The following FAM180A variants were observed in gnomAD, a reference collection of about 807,000 sequenced individuals.
The protein encoded by FAM180A is protein FAM180A.
In FAM180A, 14 loss-of-function variants were observed where a neutral mutation model predicts 15.3. The observed-to-expected ratio is 0.92, with a 90% confidence interval of 0.61 to 1.43. The LOEUF is 1.43. FAM180A is among the 40% of genes most tolerant of loss of function. FAM180A has a pLI of 0.00. For missense variants in FAM180A, 200 were observed against 220.8 expected (o/e 0.91, Z 0.60); for synonymous variants, 90 against 96.8 (o/e 0.93, Z 0.41).
intron 1 of FAM180A, among the ~76,000 whole-genome samples, chr7:135,745,763 G>A (rs1457633459): frequency 2.0e-5 from 3 of 151,886 alleles, no homozygotes; most frequent in Admixed American, 1.3e-4. Context: ...GGATGGACAC[G>A]GGGTAGTGGT....
At chr7:135,743,173 A>G (rs1412424768) in intron 1 of FAM180A, among the ~76,000 whole-genome samples, 1 of 150,604 alleles carries the variant, frequency 6.6e-6, no homozygotes, top group Non-Finnish European at 1.5e-5. Context: ...GACTACTTTT[A>G]GGATCACTCT....
intron 1 of FAM180A, among the ~76,000 whole-genome samples, chr7:135,744,295 A>C (rs1796998240): frequency 6.6e-6 from 1 of 152,208 alleles, no homozygotes; most frequent in African/African-American, 2.4e-5. Context: ...AACTGTGCAT[A>C]GCATTTGTGG....
chr7:135,729,855 G>A lies in FAM180A; in HGVS notation c.*756C>T. ...TGCCAAGAGCTGGGGCAGGCAGGGGGAAGGGGAAAAGAGGAGTTGTTCGGT... is the reference window on the plus strand; with the variant it reads ...TGCCAAGAGCTGGGGCAGGCAGGGGAAAGGGGAAAAGAGGAGTTGTTCGGT... On this transcript the variant is annotated 3_prime_UTR_variant, in exon 4 of 4. Transcript: ENST00000338588. 1 of 785,746 alleles carries A rather than the reference G, an allele frequency of 1.3e-6. No homozygotes were observed. The highest frequency in any genetic ancestry group is 1.5e-6 in the Non-Finnish European group (1 of 647,982). The allele number at this position is 785,746 out of a possible 1,614,324, so 48.7% of individuals were successfully genotyped here.
rs567366704 is a variant in FAM180A at position 135,744,544 on chromosome 7, C to T, written c.76+3961G>A. The stretch of plus-strand genomic sequence containing the variant: ...AGCGAGCCAGGGTCTCGGCCCTGTG[C>T]GTGGGGGTCCTCTGGGAGAGCTCCT... On this transcript the variant is annotated intron_variant, in intron 1 of 3. Coordinates refer to ENST00000338588, the MANE Select transcript of FAM180A (RefSeq NM_205855.4). 7.7e-3 allele frequency among the ~76,000 whole-genome samples: 1,180 copies of T among 152,290 alleles called. 7 individuals carry two copies. The highest frequency in any genetic ancestry group is 0.011 in the Non-Finnish European group (767 of 68,032).
chr7:135,744,621 G>C lies in FAM180A; in HGVS notation c.76+3884C>G, dbSNP rs185740941. 2.6e-3 allele frequency among the ~76,000 whole-genome samples: 401 copies of C among 152,318 alleles called. 2 individuals are homozygous for C. The highest frequency in any genetic ancestry group is 7.4e-3 in the African/African-American group (309 of 41,564). ...TTGGCTGGAAAGCTCCACCATGTAG[G>C]GGGGAGCTTGGGGCTGCCGGGAGCA... On this transcript the variant is annotated intron_variant, in intron 1 of 3. Coordinates refer to ENST00000338588, the MANE Select transcript of FAM180A (RefSeq NM_205855.4).
chr7:135,733,546 T>C lies in FAM180A; in HGVS notation c.*329+100A>G, dbSNP rs1796823179. 6 of 579,126 alleles carry C rather than the reference T, an allele frequency of 1.0e-5. No homozygotes were observed. The Middle Eastern group carries it at 2.6e-3, about 250-fold the overall frequency. The allele number at this position is 579,126 out of a possible 1,614,324, so 35.9% of individuals were successfully genotyped here. ...GATTTTAGTAGAGATGGGTTTTCAC[T>C]GTGTTGCCCAGGCTGGTCTTGAACT... On this transcript the variant is annotated intron_variant, in intron 3 of 3. Coordinates refer to ENST00000338588, the MANE Select transcript of FAM180A (RefSeq NM_205855.4).
chr7:135,733,720 C>A lies in FAM180A; in HGVS notation c.*255G>T. 7.7e-7 allele frequency: 1 copy of A among 1,293,966 alleles called. No homozygotes were observed. The highest frequency in any genetic ancestry group is 2.5e-5 in the South Asian group (1 of 40,122). 80.2% of individuals were successfully genotyped at this position (1,293,966 alleles called of 1,614,324 possible). A position where few individuals can be genotyped will look rare whatever the true frequency, so the allele number is the denominator to read the frequency against. ...AGAATTCTGCCTGCCATAGGCAAAC[C>A]ATTCTGCCCATGGAGGCGTCTTGAA... On this transcript the variant is annotated 3_prime_UTR_variant, in exon 3 of 4. Coordinates refer to ENST00000338588, the MANE Select transcript of FAM180A (RefSeq NM_205855.4).
chr7:135,748,162 C>T (rs757262491), intron 1 of FAM180A, among the ~76,000 whole-genome samples: 1 of 152,248 alleles, frequency 6.6e-6, no homozygotes, highest in Non-Finnish European at 1.5e-5. Context: ...TCAGCACCTG[C>T]TCTCCAGACG....
rs542341946 is a variant in FAM180A, at chr7:135,735,768, T to A, written c.177+1331A>T. Among the ~76,000 whole-genome samples the A allele has an allele frequency of 2.6e-5, 4 of 152,200 alleles. No homozygotes were observed. In the South Asian group the frequency reaches 8.3e-4, roughly 32 times the overall value. ...CCCAGGCTGGAGTACGGTGGTGCGA[T>A]CTGAGATCACTGCAACCTCCACCTC... On this transcript the variant is annotated intron_variant, in intron 2 of 3. Transcript: ENST00000338588.
At chr7:135,731,041 TC>T (rs1737990830) in intron 3 of FAM180A, among the ~76,000 whole-genome samples, 1 of 152,160 alleles carries the variant, frequency 6.6e-6, no homozygotes, top group Admixed American at 6.6e-5. Flanking sequence ...GGGTGAATGT[TC>T]CTGGGAACCA....
At chr7:135,747,282 GAAATTAA>G (rs1797044210) in intron 1 of FAM180A, among the ~76,000 whole-genome samples, 2 of 151,830 alleles carry the variant, frequency 1.3e-5, no homozygotes, top group African/African-American at 2.4e-5. Flanking sequence ...TGTGCCCACA[GAAATTAA>G]AAATTAAAAA....
chr7:135,739,716 G>A (rs1165095097), intron 1 of FAM180A, among the ~76,000 whole-genome samples: 1 of 151,210 alleles, frequency 6.6e-6, no homozygotes, highest in Admixed American at 6.6e-5. Context: ...TTAACTTAGA[G>A]GAACTTTCCT....
intron 1 of FAM180A, among the ~76,000 whole-genome samples, chr7:135,741,660 T>G (rs2129496168): frequency 6.6e-6 from 1 of 151,632 alleles, no homozygotes; most frequent in East Asian, 1.9e-4. Flanking sequence ...CCATCTCTAC[T>G]AAAAATAAAA....
Position 135,731,304 on chromosome 7 carries a change from T to C in FAM180A, c.*330-1023A>G, listed in dbSNP as rs187586923. On this transcript the variant is annotated intron_variant, in intron 3 of 3. Coordinates refer to ENST00000338588, the MANE Select transcript of FAM180A (RefSeq NM_205855.4). ...CTAGGAAAAGTACAAACTGTGAAGA[T>C]AGGCTACCATGTTTATCTGCCTCTG... is the stretch of plus-strand genomic sequence containing the variant. 5.9e-5 allele frequency among the ~76,000 whole-genome samples: 9 copies of C among 152,246 alleles called. No individual in the cohort carries two copies. The East Asian group carries it at 1.7e-3, about 29-fold the overall frequency.
At chr7:135,735,698 C>T (rs1796859927) in intron 2 of FAM180A, among the ~76,000 whole-genome samples, 1 of 152,094 alleles carries the variant, frequency 6.6e-6, no homozygotes, top group Non-Finnish European at 1.5e-5. Flanking sequence ...AGCAAGTTCT[C>T]TCTTTTTTTA....
chr7:135,745,847 AGG>A (rs1399232218), intron 1 of FAM180A, among the ~76,000 whole-genome samples: 2 of 151,792 alleles, frequency 1.3e-5, no homozygotes, highest in Non-Finnish European at 2.9e-5. Context: ...CTGTTTCCAA[AGG>A]GAGTACTTTG....
intron 2 of FAM180A, 82 bp downstream of exon 2, chr7:135,737,017 T>C: frequency 9.0e-7 from 1 of 1,105,238 alleles, no homozygotes; most frequent in Admixed American, 2.0e-5. Flanking sequence ...GGCTGAGGGG[T>C]CACTTCTCCT....
intron 1 of FAM180A, among the ~76,000 whole-genome samples, chr7:135,745,479 GTGTGTGTGTTTCTGTGTGTGTGTA>G (rs1797019261): frequency 6.6e-6 from 1 of 151,962 alleles, no homozygotes; most frequent in Non-Finnish European, 1.5e-5. Flanking sequence ...CTGTGTGTGT[GTGTGTGTGTTTCTGTGTGTGTGTA>G]TGTGTGTGTG....
At chr7:135,731,051 C>T (rs1209696209) in intron 3 of FAM180A, among the ~76,000 whole-genome samples, 1 of 151,900 alleles carries the variant, frequency 6.6e-6, no homozygotes, top group Admixed American at 6.6e-5. Flanking sequence ...TCCTGGGAAC[C>T]ATCTTCCCAT....
Sources: gnomAD v4.1 joint callset for allele counts (sites outside exome capture counted in the v4.1 genomes callset) on GRCh38, gnomAD v4.1.1 for gene constraint, MANE v1.5 for transcripts, NCBI Gene and HGNC (gene_info 2026-07-23, HGNC 2026-07-21) for gene names.